The following FAM151B variants were observed in gnomAD, a reference collection of about 807,000 sequenced individuals.
The protein encoded by FAM151B is family with sequence similarity 151 member B.
A neutral mutation model predicts 31.2 loss-of-function variants in FAM151B; 24 were observed. The observed-to-expected ratio is 0.77, with a 90% confidence interval of 0.56 to 1.08. FAM151B has a LOEUF of 1.08. Ranked by LOEUF, FAM151B falls within the 50% of genes least tolerant of loss-of-function variation. FAM151B has a pLI of 0.00. For synonymous variants in FAM151B, 105 were observed against 111.4 expected (o/e 0.94, Z 0.36); for missense variants, 293 against 328.6 (o/e 0.89, Z 0.84).
chr5:80,533,770 A>G (rs1745359660), intron 5 of FAM151B, among the ~76,000 whole-genome samples: 1 of 146,460 alleles, frequency 6.8e-6, no homozygotes, highest in Non-Finnish European at 1.5e-5. Context: ...AAAAAAAAAG[A>G]GCAGAAATAA....
At chr5:80,494,195 G>A (rs572152856) in intron 1 of FAM151B, among the ~76,000 whole-genome samples, 13 of 152,174 alleles carry the variant, frequency 8.5e-5, no homozygotes, top group Non-Finnish European at 1.6e-4. Context: ...CCAGAGTAAG[G>A]CCCTAACTCT....
chr5:80,535,390 A>G (rs1300944139), intron 5 of FAM151B, among the ~76,000 whole-genome samples: 3 of 152,220 alleles, frequency 2.0e-5, no homozygotes, highest in African/African-American at 4.8e-5. Flanking sequence ...TTGTACTGGC[A>G]TAAAAACAGA....
intron 1 of FAM151B, among the ~76,000 whole-genome samples, chr5:80,494,476 CTTTCTTTCT>C (rs1561359250): frequency 2.4e-5 from 3 of 126,558 alleles, no homozygotes; most frequent in African/African-American, 9.2e-5. Context: ...TTCTTTCTTT[CTTTCTTTCT>C]TTCTTTCTTT....
chr5:80,503,615 G>T (rs1743833231), intron 2 of FAM151B, among the ~76,000 whole-genome samples: 1 of 151,662 alleles, frequency 6.6e-6, no homozygotes, highest in African/African-American at 2.4e-5. Flanking sequence ...CAGGATTCAA[G>T]GTCAAAATAG....
At chr5:80,488,417 G>T (rs901873938) in intron 1 of FAM151B, among the ~76,000 whole-genome samples, 1 of 152,230 alleles carries the variant, frequency 6.6e-6, no homozygotes, top group African/African-American at 2.4e-5. Context: ...TTTGAGGTCT[G>T]GGTTGGAAAG....
At chr5:80,513,795 TC>T (rs1471474896) in intron 3 of FAM151B, 26 bp downstream of exon 3, 1 of 1,577,334 alleles carries the variant, frequency 6.3e-7, no homozygotes, top group Non-Finnish European at 8.6e-7. Flanking sequence ...CGTTCAATTT[TC>T]TGGGAAAAAA....
intron 2 of FAM151B, among the ~76,000 whole-genome samples, chr5:80,509,000 G>A (rs376420720): frequency 7.2e-5 from 11 of 151,966 alleles, no homozygotes; most frequent in African/African-American, 2.4e-4. Flanking sequence ...AAGAGACAAC[G>A]TCTCACTCTG....
intron 2 of FAM151B, among the ~76,000 whole-genome samples, chr5:80,512,424 T>C (rs1580429453): frequency 6.6e-6 from 1 of 152,348 alleles, no homozygotes; most frequent in East Asian, 1.9e-4. Context: ...TTTTATTGTG[T>C]AAAGTGGCCT....
intron 2 of FAM151B, among the ~76,000 whole-genome samples, chr5:80,512,917 T>C (rs1744247980): frequency 6.6e-6 from 1 of 152,182 alleles, no homozygotes; most frequent in South Asian, 2.1e-4. Flanking sequence ...TTAGGGATTT[T>C]GATTTTCTGG....
At chr5:80,533,581 C>G (rs1312532835) in intron 5 of FAM151B, among the ~76,000 whole-genome samples, 3 of 151,400 alleles carry the variant, frequency 2.0e-5, no homozygotes, top group African/African-American at 7.3e-5. Context: ...GCGAAACCCT[C>G]TCTACTAAAA....
At chr5:80,538,446 T>C (rs59620069) in intron 5 of FAM151B, among the ~76,000 whole-genome samples, 5,075 of 47,700 alleles carry the variant, frequency 0.11, 231 homozygotes, top group South Asian at 0.12. Flanking sequence ...CTTTCTTTCT[T>C]TCTCTTTCTT....
intron 3 of FAM151B, among the ~76,000 whole-genome samples, chr5:80,515,111 C>T (rs991525628): frequency 3.3e-5 from 5 of 151,870 alleles, no homozygotes; most frequent in African/African-American, 9.7e-5. Context: ...CATGGTGGTG[C>T]GCACCTGTAA....
intron 4 of FAM151B, among the ~76,000 whole-genome samples, chr5:80,521,061 C>T (rs1744684539): frequency 1.3e-5 from 2 of 150,598 alleles, no homozygotes; most frequent in African/African-American, 4.9e-5. Context: ...CAGTGATCCA[C>T]CCACCTTGGC....
At chr5:80,512,460 A>G (rs1422837765) in intron 2 of FAM151B, among the ~76,000 whole-genome samples, 1 of 152,202 alleles carries the variant, frequency 6.6e-6, no homozygotes, top group Non-Finnish European at 1.5e-5. Context: ...ATGTTTTCAT[A>G]GGTTTCTCAA....
At chr5:80,511,725 G>T (rs1233538490) in intron 2 of FAM151B, among the ~76,000 whole-genome samples, 1 of 152,068 alleles carries the variant, frequency 6.6e-6, no homozygotes, top group Non-Finnish European at 1.5e-5. Flanking sequence ...TCCTGCCTCA[G>T]CCTCCTGAGT....
chr5:80,528,754 A>G (rs1024895417), intron 5 of FAM151B, among the ~76,000 whole-genome samples: 12 of 152,018 alleles, frequency 7.9e-5, no homozygotes, highest in Non-Finnish European at 1.8e-4. Flanking sequence ...AGGATTCCCT[A>G]CAAAGAGACT....
rs760379759 is a variant in FAM151B at position 80,519,918 on chromosome 5, T to C, written c.535+8T>C. ...CTGAGAAAGTCAATGAAGGTAATAA[T>C]TCTAATAATGTATTTCTTGGTCAAA... On this transcript the variant is annotated splice_region_variant and intron_variant, in intron 4 of 5. Coordinates refer to ENST00000282226, the MANE Select transcript of FAM151B (RefSeq NM_205548.3). 1.2e-6 allele frequency: 2 copies of C among 1,608,530 alleles called. No homozygotes were observed. Among genetic ancestry groups the C allele is most frequent in the Admixed American group, 3.3e-5 (2 of 59,866 alleles).
At chr5:80,497,380 A>G (rs982537725) in intron 1 of FAM151B, among the ~76,000 whole-genome samples, 2 of 149,704 alleles carry the variant, frequency 1.3e-5, no homozygotes, top group Non-Finnish European at 3.0e-5. Flanking sequence ...ATGCCCCTGC[A>G]CTCCAGCCTG....
At chr5:80,529,504 G>A (rs1745125838) in intron 5 of FAM151B, among the ~76,000 whole-genome samples, 1 of 152,042 alleles carries the variant, frequency 6.6e-6, no homozygotes, top group South Asian at 2.1e-4. Flanking sequence ...GACTAATAAA[G>A]AAGAAAAGAG....
Sources: gnomAD v4.1 joint callset for allele counts (sites outside exome capture counted in the v4.1 genomes callset) on GRCh38, gnomAD v4.1.1 for gene constraint, MANE v1.5 for transcripts, NCBI Gene and HGNC (gene_info 2026-07-23, HGNC 2026-07-21) for gene names.